The following DLGAP1 variants were observed in gnomAD, a reference collection of about 807,000 sequenced individuals.
The protein encoded by DLGAP1 is disks large-associated protein 1.
Under a neutral mutation model 90.8 loss-of-function variants are expected in DLGAP1, and 11 were observed. The ratio of observed to expected loss-of-function variants is 0.12; its 90% CI spans 0.08 to 0.20. DLGAP1 has a LOEUF of 0.20. Among genes scored for constraint, DLGAP1 ranks in the 10% least tolerant of loss-of-function variants. The probability of loss-of-function intolerance (pLI) is 1.00; values close to 1 mark genes in which losing one functional copy is unlikely to be tolerated. For synonymous variants in DLGAP1, 558 were observed against 540.7 expected, an observed-to-expected ratio of 1.03 and a Z score of -0.44; for missense variants, 1,050 against 1,333.8, an observed-to-expected ratio of 0.79 and a Z score of 3.31.
chr18:3,615,988 C>G (rs2057847019), intron 7 of DLGAP1, among the ~76,000 whole-genome samples: 1 of 152,080 alleles, frequency 6.6e-6, no homozygotes, highest in South Asian at 2.1e-4. Context: ...GCTAACAGAC[C>G]CATAGTGCAG....
intron 3 of DLGAP1, among the ~76,000 whole-genome samples, chr18:3,975,431 T>C (rs1330500852): frequency 6.6e-6 from 1 of 152,128 alleles, no homozygotes; most frequent in East Asian, 1.9e-4. Flanking sequence ...GGATGGTTAT[T>C]ATTGAAAGAA....
At chr18:3,834,956 T>C (rs1319967548) in intron 4 of DLGAP1, among the ~76,000 whole-genome samples, 2 of 152,236 alleles carry the variant, frequency 1.3e-5, no homozygotes, top group Non-Finnish European at 2.9e-5. Flanking sequence ...TGGAAATTGA[T>C]GAAACTTGGA....
intron 1 of DLGAP1, among the ~76,000 whole-genome samples, chr18:4,328,563 C>T (rs1193233391): frequency 2.0e-5 from 3 of 151,898 alleles, no homozygotes; most frequent in African/African-American, 4.8e-5. Flanking sequence ...TGGAGAGATA[C>T]CTAGTAGTGA....
At chr18:3,752,366 T>C (rs1470959362) in intron 5 of DLGAP1, among the ~76,000 whole-genome samples, 20 of 152,228 alleles carry the variant, frequency 1.3e-4, no homozygotes, top group Non-Finnish European at 1.0e-4. Flanking sequence ...TCTCCATTCT[T>C]CCCTAGCCCA....
At chr18:4,018,687 C>A (rs1002694911) in intron 2 of DLGAP1, among the ~76,000 whole-genome samples, 4 of 152,184 alleles carry the variant, frequency 2.6e-5, no homozygotes, top group African/African-American at 9.7e-5. Flanking sequence ...TAAACTCCAT[C>A]AGAAGGGATT....
chr18:4,302,700 G>A (rs1231333876), intron 1 of DLGAP1, among the ~76,000 whole-genome samples: 1 of 151,970 alleles, frequency 6.6e-6, no homozygotes, highest in Non-Finnish European at 1.5e-5. Context: ...GGCTTATTTG[G>A]GAATTTTTGT....
intron 5 of DLGAP1, among the ~76,000 whole-genome samples, chr18:3,800,374 T>A (rs2066231518): frequency 6.6e-6 from 1 of 152,238 alleles, no homozygotes; most frequent in South Asian, 2.1e-4. Flanking sequence ...TTCCTTTGCA[T>A]AAAGAATATT....
intron 5 of DLGAP1, among the ~76,000 whole-genome samples, chr18:3,790,134 A>C (rs1272828514): frequency 6.6e-6 from 1 of 152,204 alleles, no homozygotes; most frequent in Non-Finnish European, 1.5e-5. Flanking sequence ...CAGTCTCCAA[A>C]AAAAATTTTA....
In DLGAP1 at chr18:3,775,405, T is replaced by A. The variant is rs994553823; in HGVS notation, c.1173-32893A>T. ...TTCTCTTGATAGAGTTCTCAAGAGA[T>A]CTGGTTGTTTGAATGCGTATAGCAC... On this transcript the variant is annotated intron_variant, in intron 5 of 12. Coordinates refer to ENST00000315677, the MANE Select transcript of DLGAP1 (RefSeq NM_004746.4). This position sits in a 1 kb window ranked among gnomAD's most constrained non-coding sequence, Gnocchi z 4.9. Among the ~76,000 whole-genome samples the A allele has an allele frequency of 2.0e-5, 3 of 152,144 alleles. No homozygotes were observed. Among genetic ancestry groups the A allele is most frequent in the African/African-American group, 7.2e-5 (3 of 41,410 alleles).
intron 2 of DLGAP1, among the ~76,000 whole-genome samples, chr18:4,008,662 G>T (rs2074354576): frequency 1.3e-5 from 2 of 152,160 alleles, no homozygotes. Context: ...ACAATGAAAG[G>T]CAGAAAAACC....
chr18:3,603,824 C>T (rs932971476), intron 7 of DLGAP1: 4 of 154,348 alleles, frequency 2.6e-5, no homozygotes, highest in Non-Finnish European at 1.5e-5. Context: ...AAGACCCTTT[C>T]AATAAATCCA....
At chr18:3,501,231 TAA>T (rs35211484) in intron 12 of DLGAP1, among the ~76,000 whole-genome samples, 6,101 of 144,932 alleles carry the variant, frequency 0.042, 338 homozygotes, top group African/African-American at 0.13. Flanking sequence ...AATGATTATT[TAA>T]AAAAAAAAAA....
intron 9 of DLGAP1, among the ~76,000 whole-genome samples, chr18:3,566,107 C>T (rs2054414230): frequency 6.7e-6 from 1 of 150,252 alleles, no homozygotes; most frequent in African/African-American, 2.5e-5. Flanking sequence ...CTATAAATTA[C>T]AAAAGCATGC....
chr18:4,004,971 T>A (rs2074273989), intron 3 of DLGAP1, 145 bp downstream of exon 3: 1 of 151,790 alleles, frequency 6.6e-6, no homozygotes, highest in Non-Finnish European at 1.5e-5. Flanking sequence ...AAAGGTGGAA[T>A]GTGCTGGATT....
At chr18:3,913,059 T>C (rs1568296608) in intron 3 of DLGAP1, among the ~76,000 whole-genome samples, 1 of 152,202 alleles carries the variant, frequency 6.6e-6, no homozygotes, top group Non-Finnish European at 1.5e-5. Flanking sequence ...TGTGGTTCTA[T>C]AGTCTTTACT....
intron 9 of DLGAP1, among the ~76,000 whole-genome samples, chr18:3,555,560 C>T (rs1371650103): frequency 6.6e-6 from 1 of 152,168 alleles, no homozygotes; most frequent in African/African-American, 2.4e-5. Flanking sequence ...TCTGTAATCC[C>T]AGCACTTTGG....
In DLGAP1 at chr18:3,773,606, CA is replaced by C. The variant is rs142630364; in HGVS notation, c.1173-31095del. 7.9e-3 allele frequency among the ~76,000 whole-genome samples: 1,200 copies of C among 152,300 alleles called. 12 individuals are homozygous for C. The highest frequency in any genetic ancestry group is 0.023 in the African/African-American group (937 of 41,572). On this transcript the variant is annotated intron_variant, in intron 5 of 12. Coordinates refer to ENST00000315677, the MANE Select transcript of DLGAP1 (RefSeq NM_004746.4). ...CCCTAGTGCTGAAAACAAGAACTGG[CA>C]GAGCAAGTTCTGGTGTACCTAACAA...
intron 9 of DLGAP1, among the ~76,000 whole-genome samples, chr18:3,562,536 TC>T (rs2054190775): frequency 1.4e-5 from 2 of 142,056 alleles, no homozygotes; most frequent in Admixed American, 1.4e-4. Flanking sequence ...CCCTCTTCTC[TC>T]CCTTTTTTTT....
At chr18:3,739,290 GA>G (rs1206726061) in intron 6 of DLGAP1, among the ~76,000 whole-genome samples, 17 of 150,814 alleles carry the variant, frequency 1.1e-4, no homozygotes, top group African/African-American at 3.7e-4. Context: ...ATACCCAAAG[GA>G]CTATAAATCA....
Sources: gnomAD v4.1 joint callset for allele counts (sites outside exome capture counted in the v4.1 genomes callset) on GRCh38, gnomAD v4.1.1 for gene constraint, Gnocchi (gnomAD v3.1) non-coding constraint, MANE v1.5 for transcripts, NCBI Gene and HGNC (gene_info 2026-07-23, HGNC 2026-07-21) for gene names.